PCDH9: variants seen among roughly 807,000 people sequenced by gnomAD.
PCDH9 encodes protocadherin 9, also known as protocadherin-9.
In PCDH9, 24 loss-of-function variants were observed where a neutral mutation model predicts 70.6. That is an observed-to-expected ratio of 0.34 (90% CI 0.25 to 0.48). The LOEUF is 0.48. PCDH9 is among the 20% of genes least tolerant of loss of function. The pLI, the probability that PCDH9 is intolerant of heterozygous loss-of-function variation, is 0.99. For synonymous variants in PCDH9, 562 were observed against 558.5 expected (o/e 1.01, Z -0.09); for missense variants, 1,281 against 1,503.6 (o/e 0.85, Z 2.45).
At chr13:66,638,385 A>G (rs1479208347) in intron 3 of PCDH9, among the ~76,000 whole-genome samples, 1 of 152,204 alleles carries the variant, frequency 6.6e-6, no homozygotes, top group Non-Finnish European at 1.5e-5. Flanking sequence ...AAGAAAAAAA[A>G]GGCGAAGGGA....
chr13:67,071,564 T>C (rs1263594808), intron 2 of PCDH9, among the ~76,000 whole-genome samples: 1 of 152,120 alleles, frequency 6.6e-6, no homozygotes, highest in Non-Finnish European at 1.5e-5. Context: ...TGAAAGTTTA[T>C]CAATAAAAAA....
intron 3 of PCDH9, among the ~76,000 whole-genome samples, chr13:66,769,002 A>C (rs1299841620): frequency 6.6e-6 from 1 of 152,128 alleles, no homozygotes; most frequent in Non-Finnish European, 1.5e-5. Flanking sequence ...AAAATGTTAA[A>C]CTTAAAATAT....
intron 2 of PCDH9, among the ~76,000 whole-genome samples, chr13:67,044,862 A>G (rs1272273562): frequency 1.3e-5 from 2 of 152,206 alleles, no homozygotes; most frequent in Non-Finnish European, 2.9e-5. Context: ...AACACAGAGC[A>G]TGGCCTGTTA....
At chr13:66,674,943 T>A (rs1365260307) in intron 3 of PCDH9, among the ~76,000 whole-genome samples, 1 of 152,154 alleles carries the variant, frequency 6.6e-6, no homozygotes, top group Non-Finnish European at 1.5e-5. Context: ...GAAACATATC[T>A]GAGTATATTT....
intron 4 of PCDH9, among the ~76,000 whole-genome samples, chr13:66,596,215 T>C (rs1487850956): frequency 6.6e-6 from 1 of 151,666 alleles, no homozygotes; most frequent in East Asian, 1.9e-4. Context: ...AAATGATTAA[T>C]ATTACATACT....
intron 4 of PCDH9, among the ~76,000 whole-genome samples, chr13:66,528,280 G>T (rs1039699796): frequency 1.1e-4 from 16 of 152,038 alleles, no homozygotes; most frequent in African/African-American, 3.9e-4. Flanking sequence ...TCAGCAGTTC[G>T]CTTCACAGGG....
intron 3 of PCDH9, among the ~76,000 whole-genome samples, chr13:66,891,847 T>C (rs1382644034): frequency 1.3e-5 from 2 of 151,938 alleles, no homozygotes; most frequent in African/African-American, 4.8e-5. Context: ...ATGTTTTGGT[T>C]TGCTTTTTGT....
rs867577444 is a variant in PCDH9, at chr13:66,777,989, G to A, written c.3138+125515C>T. ...GAGTTCATGTCCTTTGTAGGGACAT[G>A]GATGAAATTGGAAATCATCATTCTC... On this transcript the variant is annotated intron_variant, in intron 3 of 4. Transcript: ENST00000377865. Among the ~76,000 whole-genome samples the A allele has an allele frequency of 2.4e-4, 37 of 151,992 alleles. No homozygotes were observed. In the Middle Eastern group the frequency reaches 0.01, roughly 42 times the overall value.
At chr13:66,974,524 G>C (rs1178446210) in intron 2 of PCDH9, among the ~76,000 whole-genome samples, 1 of 151,896 alleles carries the variant, frequency 6.6e-6, no homozygotes, top group African/African-American at 2.4e-5. Flanking sequence ...CAGAGTTGAG[G>C]GGGAGACAGT....
At chr13:67,062,189 C>A (rs1200457767) in intron 2 of PCDH9, among the ~76,000 whole-genome samples, 1 of 152,028 alleles carries the variant, frequency 6.6e-6, no homozygotes, top group Admixed American at 6.6e-5. Context: ...ATTTTATTTG[C>A]CCAAACAGAT....
chr13:66,360,680 T>C (rs1316445939), intron 4 of PCDH9, among the ~76,000 whole-genome samples: 1 of 152,126 alleles, frequency 6.6e-6, no homozygotes, highest in Non-Finnish European at 1.5e-5. Context: ...TTAGGCTCTC[T>C]GAAAATCACT....
chr13:67,189,145 TACAC>T (rs773412648), intron 2 of PCDH9, among the ~76,000 whole-genome samples: 1 of 150,610 alleles, frequency 6.6e-6, no homozygotes, highest in Admixed American at 6.6e-5. Flanking sequence ...TATGAAGGAA[TACAC>T]ACACACACAC....
intron 3 of PCDH9, among the ~76,000 whole-genome samples, chr13:66,874,942 T>TGTGAGAGA (rs533672911): frequency 2.7e-5 from 3 of 109,934 alleles, no homozygotes; most frequent in Admixed American, 2.1e-4. Flanking sequence ...TGTGTGTGTG[T>TGTGAGAGA]GAGAGAGAGA....
intron 4 of PCDH9, among the ~76,000 whole-genome samples, chr13:66,406,000 G>A (rs190832681): frequency 6.6e-6 from 1 of 152,238 alleles, no homozygotes; most frequent in Admixed American, 6.5e-5. Context: ...AATAGTGGTT[G>A]GCTAAAATAT....
intron 1 of PCDH9, among the ~76,000 whole-genome samples, chr13:67,229,074 T>C (rs1291138378): frequency 6.6e-6 from 1 of 152,240 alleles, no homozygotes; most frequent in Non-Finnish European, 1.5e-5. Flanking sequence ...GTTCTTCAAC[T>C]GCCTTCTAAT....
At chr13:66,332,839 A>T (rs914509571) in intron 4 of PCDH9, among the ~76,000 whole-genome samples, 14 of 150,892 alleles carry the variant, frequency 9.3e-5, no homozygotes, top group South Asian at 2.1e-4. Context: ...TATATATATA[A>T]AATCACTATG....
intron 2 of PCDH9, among the ~76,000 whole-genome samples, chr13:66,910,350 C>A (rs1329004375): frequency 2.8e-5 from 4 of 143,206 alleles, no homozygotes; most frequent in African/African-American, 1.1e-4. Context: ...AGTTATAGTT[C>A]CATGTGATCA....
At chr13:66,904,921 T>A (rs572871152) in intron 2 of PCDH9, among the ~76,000 whole-genome samples, 2 of 152,108 alleles carry the variant, frequency 1.3e-5, no homozygotes, top group South Asian at 4.1e-4. Context: ...CTATAAGCCT[T>A]TTAGCATGAA....
At chr13:67,048,944 A>T (rs1158372855) in intron 2 of PCDH9, among the ~76,000 whole-genome samples, 2 of 152,234 alleles carry the variant, frequency 1.3e-5, no homozygotes, top group Non-Finnish European at 2.9e-5. Context: ...ACACTGAAAT[A>T]CTACAGGGTT....
Sources: gnomAD v4.1 joint callset for allele counts (sites outside exome capture counted in the v4.1 genomes callset) on GRCh38, gnomAD v4.1.1 for gene constraint, MANE v1.5 for transcripts, NCBI Gene and HGNC (gene_info 2026-07-23, HGNC 2026-07-21) for gene names.